AMZ1: variants seen among roughly 807,000 people sequenced by gnomAD.
AMZ1 encodes the protein archaemetzincin-1.
A neutral mutation model predicts 29.9 loss-of-function variants in AMZ1; 39 were observed. The observed-to-expected ratio is 1.30, with a 90% CI of 1.01 to 1.70. The LOEUF is 1.70. Among genes scored for constraint, AMZ1 ranks in the 40% most tolerant of loss-of-function variants. The probability of loss-of-function intolerance (pLI) is 0.00; values close to 1 mark genes in which losing one functional copy is unlikely to be tolerated. For missense variants in AMZ1, 1,041 were observed against 680.6 expected, an observed-to-expected ratio of 1.53 and a Z score of -5.89; for synonymous variants, 458 against 304.0, an observed-to-expected ratio of 1.51 and a Z score of -5.27.
chr7:2,700,438 C>A lies in AMZ1; in HGVS notation c.-14C>A, dbSNP rs368849516. On this transcript the variant is annotated 5_prime_UTR_variant, in exon 2 of 7. Transcript: ENST00000683327. ...CAGGGGCTCCCAGGAGTGGCCAGGC[C>A]CTGCCCGCCCACCATGCTGCAGTGT... 2.5e-6 allele frequency: 4 copies of A among 1,592,318 alleles called. No homozygotes were observed. The highest frequency in any genetic ancestry group is 2.7e-5 in the African/African-American group (2 of 74,768).
At chr7:2,688,797 C>A (rs1391538191) in intron 1 of AMZ1, among the ~76,000 whole-genome samples, 1 of 152,154 alleles carries the variant, frequency 6.6e-6, no homozygotes, top group African/African-American at 2.4e-5. Context: ...AGGCTTCCTC[C>A]CCCAGGAGAC....
chr7:2,686,950 T>C (rs1174027278), upstream of AMZ1, among the ~76,000 whole-genome samples: 1 of 151,932 alleles, frequency 6.6e-6, no homozygotes, highest in Non-Finnish European at 1.5e-5. Context: ...CCTGACCTTG[T>C]GATCTGTCTG....
intron 4 of AMZ1, among the ~76,000 whole-genome samples, chr7:2,740,801 T>C (rs1168698242): frequency 6.6e-6 from 1 of 152,162 alleles, no homozygotes; most frequent in Non-Finnish European, 1.5e-5. Flanking sequence ...TCCCAGCACT[T>C]TGGGAGGCCG....
At chr7:2,705,659 T>C (rs966478736) in intron 3 of AMZ1, among the ~76,000 whole-genome samples, 3 of 151,972 alleles carry the variant, frequency 2.0e-5, no homozygotes, top group African/African-American at 7.2e-5. Flanking sequence ...CAGCCACTGT[T>C]GAGATTTGGG....
At chr7:2,723,045 AAAGT>A (rs1421257976), downstream of AMZ1, among the ~76,000 whole-genome samples, 1 of 152,252 alleles carries the variant, frequency 6.6e-6, no homozygotes, top group African/African-American at 2.4e-5. Context: ...GTGTAAAAAA[AAAGT>A]AAATCTGAAA....
At chr7:2,738,940 C>G (rs956649374) in intron 4 of AMZ1, among the ~76,000 whole-genome samples, 1 of 152,120 alleles carries the variant, frequency 6.6e-6, no homozygotes, top group East Asian at 1.9e-4. Flanking sequence ...CGTGGCTGTG[C>G]CTGTGGACAC....
chr7:2,745,252 T>A (rs1007611887), intron 4 of AMZ1, among the ~76,000 whole-genome samples: 4 of 152,156 alleles, frequency 2.6e-5, no homozygotes, highest in Non-Finnish European at 5.9e-5. Context: ...GGAAAAAATG[T>A]TAAGGGCAGC....
chr7:2,695,987 T>C (rs1479972854), intron 1 of AMZ1, among the ~76,000 whole-genome samples: 3 of 135,748 alleles, frequency 2.2e-5, no homozygotes, highest in South Asian at 2.3e-4. Flanking sequence ...CCAGCCTGGG[T>C]GACAGAGCGA....
downstream of AMZ1, among the ~76,000 whole-genome samples, chr7:2,720,589 G>C (rs895267221): frequency 4.6e-5 from 7 of 151,976 alleles, 1 homozygote; most frequent in African/African-American, 1.7e-4. Flanking sequence ...TTTTTTAGTA[G>C]AGACGGGGTT....
Position 2,708,637 on chromosome 7 carries a change from T to G in AMZ1, c.522T>G (p.Cys174Trp), listed in dbSNP as rs1788522881. 3 of 1,613,170 alleles carry G rather than the reference T, an allele frequency of 1.9e-6. No homozygotes were observed. In the East Asian group the frequency reaches 6.7e-5, roughly 36 times the overall value. Residue 174 changes from cysteine to tryptophan, a missense_variant, in exon 4 of 7, where the codon TGT (cysteine) becomes TGG (tryptophan). By Grantham distance (215) the Cys-to-Trp change is radical. Transcript: ENST00000683327. Reference sequence around the variant, plus strand: ...ACAACAAGCCAGGGGACGCGCTGTGTGTGCTGGGCCTCACACTGTCTGACC... The same window carrying G: ...ACAACAAGCCAGGGGACGCGCTGTGGGTGCTGGGCCTCACACTGTCTGACC... ...LKNNKPGDAL[C>W]VLGLTLSDLY...
Position 2,714,771 on chromosome 7 carries a change from C to G in AMZ1, c.*1893C>G, listed in dbSNP as rs1382649087. ...TGGCTGGGAATCTCAGGCCTTGGTT[C>G]CTGCCCACGTGAGACTCTCCATGGA... On this transcript the variant is annotated 3_prime_UTR_variant, in exon 7 of 7. Transcript: ENST00000683327. 3.9e-5 allele frequency: 6 copies of G among 152,344 alleles called. No homozygotes were observed. The East Asian group carries it at 1.1e-3, about 29-fold the overall frequency. 9.4% of individuals were successfully genotyped at this position (152,344 alleles called of 1,614,324 possible).
intron 1 of AMZ1, among the ~76,000 whole-genome samples, chr7:2,695,397 G>A (rs1357494839): frequency 2.6e-5 from 4 of 152,118 alleles, no homozygotes; most frequent in Non-Finnish European, 5.9e-5. Context: ...TGCTTCCCAT[G>A]GTGATGGGAA....
intron 4 of AMZ1, among the ~76,000 whole-genome samples, chr7:2,755,412 C>T (rs1421643711): frequency 1.3e-5 from 2 of 152,156 alleles, no homozygotes; most frequent in African/African-American, 4.8e-5. Context: ...TTGTTTAGAT[C>T]TCATTTCTTG....
intron 1 of AMZ1, among the ~76,000 whole-genome samples, chr7:2,688,988 C>T (rs2115040721): frequency 6.6e-6 from 1 of 152,288 alleles, no homozygotes; most frequent in South Asian, 2.1e-4. Flanking sequence ...GTTTGGGGTT[C>T]GCAGGTGAGG....
intron 6 of AMZ1, among the ~76,000 whole-genome samples, chr7:2,711,870 C>T (rs1183643779): frequency 6.6e-6 from 1 of 151,946 alleles, no homozygotes; most frequent in Non-Finnish European, 1.5e-5. Context: ...ATGGTGAAAC[C>T]CCGTCTCCAC....
downstream of AMZ1, among the ~76,000 whole-genome samples, chr7:2,723,968 G>A (rs1287324315): frequency 1.3e-5 from 2 of 152,020 alleles, no homozygotes; most frequent in African/African-American, 2.4e-5. Flanking sequence ...GTGCAGTGGC[G>A]TCATCTCAGT....
At chr7:2,708,745 G>A (rs201423636) in intron 4 of AMZ1, 29 bp downstream of exon 4, 11 of 1,610,792 alleles carry the variant, frequency 6.8e-6, no homozygotes, top group African/African-American at 6.7e-5. Context: ...AGCTGTGCGT[G>A]GGGGGTAGCC....
At chr7:2,741,169 T>A (rs1790482469) in intron 4 of AMZ1, among the ~76,000 whole-genome samples, 2 of 152,204 alleles carry the variant, frequency 1.3e-5, no homozygotes, top group Non-Finnish European at 2.9e-5. Context: ...ACAGTATGTT[T>A]TAAGGTATTC....
intron 4 of AMZ1, 137 bp from the exon 5 acceptor site, chr7:2,708,938 G>T: frequency 2.3e-5 from 30 of 1,287,618 alleles, no homozygotes; most frequent in Non-Finnish European, 3.2e-5. Context: ...CTTCATGTGG[G>T]CAGGACAGGG....
Sources: allele counts gnomAD v4.1 joint callset (sites outside exome capture counted in the v4.1 genomes callset), GRCh38; gene constraint gnomAD v4.1.1; transcripts MANE v1.5; gene names NCBI Gene and HGNC (gene_info 2026-07-23, HGNC 2026-07-21).